The following GSTA3 variants were observed in gnomAD, a reference collection of about 807,000 sequenced individuals.
GSTA3 encodes the protein glutathione S-transferase A3.
Under a neutral mutation model 23.1 loss-of-function variants are expected in GSTA3, and 16 were observed. The observed-to-expected ratio is 0.69, with a 90% CI of 0.47 to 1.05. The LOEUF (loss-of-function observed/expected upper bound fraction) is 1.05, where lower values mean the gene tolerates loss of function less well. Ranked by LOEUF, GSTA3 falls within the 50% of genes least tolerant of loss-of-function variation. The pLI, the probability that GSTA3 is intolerant of heterozygous loss-of-function variation, is 0.00. For missense variants in GSTA3, 319 were observed against 263.6 expected (o/e 1.21, Z -1.46); for synonymous variants, 122 against 91.0 (o/e 1.34, Z -1.94).
At chr6:52,909,593 GAAGTAGACA>G (rs1344557224) in intron 1 of GSTA3, 39 bp downstream of exon 1, 1 of 152,192 alleles carries the variant, frequency 6.6e-6, no homozygotes, top group Non-Finnish European at 1.5e-5. Context: ...TTTTCTTAGT[GAAGTAGACA>G]TGAGAACATT....
intron 2 of GSTA3, among the ~76,000 whole-genome samples, chr6:52,904,868 C>T (rs1765840075): frequency 1.3e-5 from 2 of 152,184 alleles, no homozygotes. Flanking sequence ...AGCCCCCACC[C>T]CTGATTTTAA....
chr6:52,900,313 A>T (rs1266265025), intron 4 of GSTA3, among the ~76,000 whole-genome samples: 21 of 143,548 alleles, frequency 1.5e-4, no homozygotes, highest in African/African-American at 5.3e-4. Flanking sequence ...CCCAAGCCAG[A>T]GTGAGGTTAT....
rs1765779368 is a variant in GSTA3 at position 52,903,678 on chromosome 6, T to C, written c.137A>G (p.Asn46Ser). 1 of 1,547,722 alleles carries C rather than the reference T, an allele frequency of 6.5e-7. No individual in the cohort carries two copies. Among genetic ancestry groups the C allele is most frequent in the African/African-American group, 1.4e-5 (1 of 73,732 alleles). ...GGCACTTAGAGACTTGATCTTACCA[T>C]TTCTTAACTTTCCCAAATCTTCTGC... is the stretch of plus-strand genomic sequence containing the variant. ...GSAEDLGKLR[N>S]DGSLMFQQVP... Residue 46 changes from asparagine (N) to serine (S), a missense_variant and splice_region_variant, in exon 3 of 7, where the codon AAT (asparagine) becomes AGT (serine). Transcript: ENST00000211122.
At chr6:52,905,662 A>C in intron 2 of GSTA3, 86 bp downstream of exon 2, 1 of 734,148 alleles carries the variant, frequency 1.4e-6, no homozygotes, top group Admixed American at 2.6e-5. Context: ...TTCACAGGTC[A>C]TCTAGTATGG....
chr6:52,897,012 G>A, intron 6 of GSTA3, 84 bp from the exon 7 acceptor site: 3 of 1,579,054 alleles, frequency 1.9e-6, no homozygotes, highest in Non-Finnish European at 2.6e-6. Flanking sequence ...GACCCCTCCT[G>A]CCAGAGACCA....
rs367965615 is a variant in GSTA3 at position 52,905,753 on chromosome 6, C to T, written c.82G>A (p.Val28Met). 6.3e-6 allele frequency: 10 copies of T among 1,591,338 alleles called. No homozygotes were observed. Among genetic ancestry groups the T allele is most frequent in the Non-Finnish European group, 8.6e-6 (10 of 1,160,934 alleles). ...TGACCTAACTTAGAACATACCTCCA[C>T]TCCAGCTGCAGCCAAGAGCCACCGG... is the stretch of plus-strand genomic sequence containing the variant. Reference protein sequence around the residue: ...PIRWLLAAAGVEFEEKFIGSA... With the variant: ...PIRWLLAAAGMEFEEKFIGSA... Residue 28 changes from valine (V) to methionine (M), a missense_variant, in exon 2 of 7, where the codon GTG (valine) becomes ATG (methionine). Physicochemically the swap from Val to Met is conservative, Grantham distance 21. Transcript: ENST00000211122.
chr6:52,898,676 T>C (rs1178554767), intron 5 of GSTA3, among the ~76,000 whole-genome samples: 4 of 152,232 alleles, frequency 2.6e-5, no homozygotes, highest in East Asian at 1.9e-4. Context: ...GGTTGTTATA[T>C]ATAAAGTTTC....
At chr6:52,906,557 A>C (rs1765896107) in intron 1 of GSTA3, among the ~76,000 whole-genome samples, 2 of 152,224 alleles carry the variant, frequency 1.3e-5, no homozygotes, top group South Asian at 4.1e-4. Flanking sequence ...ATCTCACTTC[A>C]AACTATACTA....
intron 5 of GSTA3, 134 bp downstream of exon 5, chr6:52,899,800 G>A (rs1195302172): frequency 7.3e-6 from 6 of 818,310 alleles, no homozygotes; most frequent in Non-Finnish European, 1.2e-5. Flanking sequence ...AAAATGCCTT[G>A]AGAGTCAGAG....
intron 2 of GSTA3, among the ~76,000 whole-genome samples, 158 bp downstream of exon 2, chr6:52,905,589 AT>A (rs1399211748): frequency 1.3e-5 from 2 of 150,782 alleles, no homozygotes; most frequent in African/African-American, 4.9e-5. Context: ...TTAAATTTTC[AT>A]TTGGTAAAAT....
At chr6:52,908,996 G>A (rs1765983717) in intron 1 of GSTA3, among the ~76,000 whole-genome samples, 5 of 152,112 alleles carry the variant, frequency 3.3e-5, no homozygotes, top group Admixed American at 2.6e-4. Flanking sequence ...AGAACAAAGA[G>A]AAGGAGGGAA....
Position 52,896,754 on chromosome 6 carries a change from C to T in GSTA3, c.*52G>A. ...ACTTAAGTAAAGCACTTCATTGTTG[C>T]AAAACTTTAGAATATTGGTCTTGCA... is the stretch of plus-strand genomic sequence containing the variant. On this transcript the variant is annotated 3_prime_UTR_variant, in exon 7 of 7. Transcript: ENST00000211122. 1 of 1,607,534 alleles carries T rather than the reference C, an allele frequency of 6.2e-7. No individual in the cohort carries two copies. The highest frequency in any genetic ancestry group is 8.5e-7 in the Non-Finnish European group (1 of 1,176,604).
intron 1 of GSTA3, among the ~76,000 whole-genome samples, chr6:52,909,392 AC>A (rs2127366372): frequency 6.6e-6 from 1 of 152,354 alleles, no homozygotes; most frequent in African/African-American, 2.4e-5. Context: ...CAGATTGCCC[AC>A]AATGATACCA....
At chr6:52,899,715 A>G (rs1765601253) in intron 5 of GSTA3, among the ~76,000 whole-genome samples, 1 of 152,248 alleles carries the variant, frequency 6.6e-6, no homozygotes, top group Admixed American at 6.5e-5. Flanking sequence ...ACTGGGGTCT[A>G]GTAAATTGAA....
chr6:52,909,506 C>T (rs1449534661), intron 1 of GSTA3, 135 bp downstream of exon 1: 1 of 152,162 alleles, frequency 6.6e-6, no homozygotes, highest in Non-Finnish European at 1.5e-5. Flanking sequence ...ACAAACAATG[C>T]TTAAATTGTC....
At chr6:52,907,756 T>C (rs916270556) in intron 1 of GSTA3, among the ~76,000 whole-genome samples, 119 of 141,986 alleles carry the variant, frequency 8.4e-4, no homozygotes, top group Non-Finnish European at 1.3e-3. Context: ...TTCTCACTCA[T>C]AGGTGGGAAT....
At chr6:52,906,926 C>T (rs910355298) in intron 1 of GSTA3, among the ~76,000 whole-genome samples, 2 of 150,410 alleles carry the variant, frequency 1.3e-5, no homozygotes, top group Admixed American at 6.7e-5. Context: ...GTCTAAAACA[C>T]CAAAAGCAAT....
chr6:52,897,884 G>T lies in GSTA3; in HGVS notation c.487C>A (p.Leu163Ile). ...TCAAGCTCTTCCACATAGTAGAGAA[G>T]TTCCACCAGGCTAATGTCAGCCCGG... ...LSRADISLVE[L>I]LYYVEELDSS... The change falls in exon 6 of 7, where the codon CTT (leucine) becomes ATT (isoleucine). Residue 163 changes from leucine to isoleucine, a missense_variant. Leu to Ile is a conservative substitution (Grantham distance 5). Transcript: ENST00000211122. The T allele has an allele frequency of 6.2e-7, 1 of 1,614,012 alleles. No individual in the cohort carries two copies. The highest frequency in any genetic ancestry group is 8.5e-7 in the Non-Finnish European group (1 of 1,179,918).
intron 6 of GSTA3, among the ~76,000 whole-genome samples, chr6:52,897,376 G>T (rs1269085954): frequency 6.6e-6 from 1 of 152,206 alleles, no homozygotes; most frequent in African/African-American, 2.4e-5. Flanking sequence ...GCAGTGTGTT[G>T]GGTGTGCTGT....
Sources: gnomAD v4.1 joint callset for allele counts (sites outside exome capture counted in the v4.1 genomes callset) on GRCh38, gnomAD v4.1.1 for gene constraint, MANE v1.5 for transcripts, NCBI Gene and HGNC (gene_info 2026-07-23, HGNC 2026-07-21) for gene names.